The following PIAS1 variants were observed in gnomAD, a reference collection of about 807,000 sequenced individuals.
PIAS1 encodes protein inhibitor of activated STAT 1.
A neutral mutation model predicts 71.3 loss-of-function variants in PIAS1; 6 were observed. The observed-to-expected ratio is 0.08, with a 90% CI of 0.05 to 0.17. The LOEUF (loss-of-function observed/expected upper bound fraction) is 0.17, where lower values mean the gene tolerates loss of function less well. Ranked by LOEUF, PIAS1 falls within the 10% of genes least tolerant of loss-of-function variation. PIAS1 has a pLI of 1.00. For missense variants in PIAS1, 555 were observed against 793.6 expected (o/e 0.70, Z 3.61); for synonymous variants, 303 against 292.9 (o/e 1.03, Z -0.35).
At chr15:68,155,470 AAACC>A (rs1488338682) in intron 7 of PIAS1, among the ~76,000 whole-genome samples, 1 of 151,544 alleles carries the variant, frequency 6.6e-6, no homozygotes, top group East Asian at 1.9e-4. Flanking sequence ...AAAAAAAAAA[AAACC>A]AAAAACTTTC....
Position 68,097,439 on chromosome 15 carries a change from T to A in PIAS1, c.469+10689T>A, listed in dbSNP as rs180731713. 1.1e-3 allele frequency among the ~76,000 whole-genome samples: 161 copies of A among 152,200 alleles called. 1 individual carries two copies. The South Asian group carries it at 0.011, about 10-fold the overall frequency. On this transcript the variant is annotated intron_variant, in intron 2 of 13. Transcript: ENST00000249636. ...GTTGTAATTAATTAATTAATTTATT[T>A]ATTTATTTTTGAGACGGAGTTTTAC...
chr15:68,170,724 T>C (rs1261245017), intron 8 of PIAS1, among the ~76,000 whole-genome samples: 3 of 152,192 alleles, frequency 2.0e-5, no homozygotes, highest in Non-Finnish European at 1.5e-5. Context: ...CACGGTAACC[T>C]CTGCCTCCCA....
At chr15:68,133,164 T>C (rs1053837390) in intron 2 of PIAS1, among the ~76,000 whole-genome samples, 4 of 152,082 alleles carry the variant, frequency 2.6e-5, no homozygotes, top group African/African-American at 7.2e-5. Context: ...GGTTTTAGGG[T>C]ATTCTATGAA....
chr15:68,064,843 G>T (rs2091999569), intron 1 of PIAS1, among the ~76,000 whole-genome samples: 1 of 152,114 alleles, frequency 6.6e-6, no homozygotes, highest in South Asian at 2.1e-4. Context: ...GTAAAACCAT[G>T]ATAGTCTTCT....
chr15:68,103,187 A>G (rs1471436780), intron 2 of PIAS1, among the ~76,000 whole-genome samples: 1 of 152,022 alleles, frequency 6.6e-6, no homozygotes, highest in Admixed American at 6.5e-5. Context: ...TCGCCCACCC[A>G]AAGAGCTAGG....
Position 68,174,832 on chromosome 15 carries a change from GAAAC to G in PIAS1, c.1170-790_1170-787del, listed in dbSNP as rs917954395. Among the ~76,000 whole-genome samples the G allele has an allele frequency of 9.2e-5, 14 of 152,282 alleles. No homozygotes were observed. Among genetic ancestry groups the G allele is most frequent in the Admixed American group, 2.0e-4 (3 of 15,302 alleles). On this transcript the variant is annotated intron_variant, in intron 9 of 13. Transcript: ENST00000249636. This position sits in a 1 kb window ranked among gnomAD's most constrained non-coding sequence, Gnocchi z 4.0. ...TTGAAAGATGTCAGACCAGTCATGGGAAACAAACAAACAAACAACATGTAACTTA... is the reference window on the plus strand; with the variant it reads ...TTGAAAGATGTCAGACCAGTCATGGGAAACAAACAAACAACATGTAACTTA...
chr15:68,091,070 G>C (rs1011514373), intron 2 of PIAS1, among the ~76,000 whole-genome samples: 4 of 151,852 alleles, frequency 2.6e-5, no homozygotes, highest in African/African-American at 7.3e-5. Flanking sequence ...TTTTAATCTT[G>C]ATAGGATGTT....
At chr15:68,093,380 T>A (rs1375407410) in intron 2 of PIAS1, among the ~76,000 whole-genome samples, 2 of 152,260 alleles carry the variant, frequency 1.3e-5, no homozygotes, top group Non-Finnish European at 2.9e-5. Flanking sequence ...TGAGCAGAAT[T>A]GTGCGGAAGC....
chr15:68,187,947 G>GT lies in PIAS1; in HGVS notation c.*120dup, dbSNP rs373368919. On this transcript the variant is annotated 3_prime_UTR_variant, in exon 14 of 14. Transcript: ENST00000249636. This position sits in a 1 kb window ranked among gnomAD's most constrained non-coding sequence, Gnocchi z 5.3. ...TCTGTTTAGAAAAGTATACAAGCGTGTTTTTTTTCCTTTTTTTAGGGAAAA... is the reference window on the plus strand; with the variant it reads ...TCTGTTTAGAAAAGTATACAAGCGTGTTTTTTTTTCCTTTTTTTAGGGAAAA... The GT allele has an allele frequency of 6.1e-4, 595 of 967,550 alleles. 1 individual carries two copies. The highest frequency in any genetic ancestry group is 5.1e-3 in the African/African-American group (304 of 60,174). 59.9% of individuals were successfully genotyped at this position (967,550 alleles called of 1,614,324 possible).
intron 1 of PIAS1, among the ~76,000 whole-genome samples, chr15:68,080,848 C>G (rs2092222285): frequency 6.6e-6 from 1 of 152,064 alleles, no homozygotes; most frequent in East Asian, 1.9e-4. Context: ...AAATTGATAC[C>G]AGATAAAGAC....
At chr15:68,113,720 T>C (rs1383226212) in intron 2 of PIAS1, among the ~76,000 whole-genome samples, 1 of 152,024 alleles carries the variant, frequency 6.6e-6, no homozygotes, top group African/African-American at 2.4e-5. Flanking sequence ...AAAAAGGTGA[T>C]GAAAAGTATA....
chr15:68,155,491 A>G (rs1181466156), intron 7 of PIAS1, among the ~76,000 whole-genome samples: 1 of 149,802 alleles, frequency 6.7e-6, no homozygotes, highest in Non-Finnish European at 1.5e-5. Flanking sequence ...TTTCCCAACA[A>G]ATTATGTAAT....
chr15:68,060,614 AAAACAAAC>A (rs201042490), intron 1 of PIAS1, among the ~76,000 whole-genome samples: 4 of 152,218 alleles, frequency 2.6e-5, no homozygotes, highest in African/African-American at 9.7e-5. Flanking sequence ...CTCCGTCTCA[AAAACAAAC>A]AAACAAAAAA....
intron 1 of PIAS1, among the ~76,000 whole-genome samples, chr15:68,082,624 A>G (rs371554830): frequency 6.6e-6 from 1 of 152,140 alleles, no homozygotes; most frequent in South Asian, 2.1e-4. Flanking sequence ...CCATAGTAAT[A>G]ATGTAAGTAC....
rs192922018 is a variant in PIAS1, at chr15:68,161,118, G to A, written c.935-3613G>A. ...TGTGAGTTTAGCAGAGTTAGAGAAT[G>A]CATGGTCAATATACAAAAACAAATT... On this transcript the variant is annotated intron_variant, in intron 7 of 13. Coordinates refer to ENST00000249636, the MANE Select transcript of PIAS1 (RefSeq NM_016166.3). 3.0e-4 allele frequency among the ~76,000 whole-genome samples: 45 copies of A among 152,302 alleles called. 1 individual carries two copies. In the East Asian group the frequency reaches 3.3e-3, roughly 11 times the overall value.
intron 2 of PIAS1, among the ~76,000 whole-genome samples, chr15:68,100,517 A>G (rs900333398): frequency 3.3e-5 from 5 of 152,212 alleles, no homozygotes; most frequent in African/African-American, 9.7e-5. Context: ...GAAGTATTCT[A>G]TCATATAATG....
In PIAS1 at chr15:68,192,148, T is replaced by G. The variant is rs2093123259; in HGVS notation, c.*4313T>G. The G allele has an allele frequency of 6.6e-6, 1 of 152,190 alleles. No individual in the cohort carries two copies. Among genetic ancestry groups the G allele is most frequent in the South Asian group, 2.1e-4 (1 of 4,832 alleles). 9.4% of individuals were successfully genotyped at this position (152,190 alleles called of 1,614,324 possible). ...TCTATCTCCCATCTAATCTTTGGTA[T>G]TCCAGGTTGGCTGTGCAGGATTTAC... On this transcript the variant is annotated 3_prime_UTR_variant, in exon 14 of 14. Coordinates refer to ENST00000249636, the MANE Select transcript of PIAS1 (RefSeq NM_016166.3).
rs187634600 is a variant in PIAS1, at chr15:68,111,386, A to G, written c.469+24636A>G. Among the ~76,000 whole-genome samples the G allele has an allele frequency of 1.1e-3, 170 of 152,336 alleles. 1 individual carries two copies. Among genetic ancestry groups the G allele is most frequent in the African/African-American group, 3.9e-3 (164 of 41,578 alleles). On this transcript the variant is annotated intron_variant, in intron 2 of 13. Coordinates refer to ENST00000249636, the MANE Select transcript of PIAS1 (RefSeq NM_016166.3). ...GGAATTCTGAAAAGAGAGTATCTCT[A>G]TATATTGCAGGGGTGTAGTAATTTA...
rs2091876293 is a variant in PIAS1 at position 68,054,715 on chromosome 15, C to T, written c.24+365C>T. 1.5e-5 allele frequency: 3 copies of T among 195,206 alleles called. No homozygotes were observed. Among genetic ancestry groups the T allele is most frequent in the Non-Finnish European group, 3.1e-5 (3 of 96,300 alleles). The allele number at this position is 195,206 out of a possible 1,614,324, so 12.1% of individuals were successfully genotyped here. A position where few individuals can be genotyped will look rare whatever the true frequency, so the allele number is the denominator to read the frequency against. On this transcript the variant is annotated intron_variant, in intron 1 of 13. Transcript: ENST00000249636. The surrounding 1 kb of genome is among the most constrained non-coding windows in gnomAD (Gnocchi z 4.6). ...CCCCATGGGGAGCTGGGGCTGGGGG[C>T]AGGGTGCTCTCGTAGGGGGGATTGG...
Sources: allele counts gnomAD v4.1 joint callset (sites outside exome capture counted in the v4.1 genomes callset), GRCh38; gene constraint gnomAD v4.1.1; non-coding constraint Gnocchi (gnomAD v3.1); transcripts MANE v1.5; gene names NCBI Gene and HGNC (gene_info 2026-07-23, HGNC 2026-07-21).